PAIP1: variants seen among roughly 807,000 people sequenced by gnomAD.
The protein encoded by PAIP1 is poly(A) binding protein interacting protein 1.
A neutral mutation model predicts 61.3 loss-of-function variants in PAIP1; 16 were observed. The ratio of observed to expected loss-of-function variants is 0.26; its 90% confidence interval spans 0.18 to 0.40. The LOEUF is 0.40. PAIP1 is among the 10% of genes least tolerant of loss of function. PAIP1 has a pLI of 1.00. For synonymous variants in PAIP1, 187 were observed against 226.2 expected (o/e 0.83, Z 1.56); for missense variants, 416 against 600.9 (o/e 0.69, Z 3.22).
chr5:43,538,746 T>C (rs1747258373), intron 5 of PAIP1, among the ~76,000 whole-genome samples, 178 bp downstream of exon 5: 1 of 152,240 alleles, frequency 6.6e-6, no homozygotes, highest in Non-Finnish European at 1.5e-5. Flanking sequence ...GAGTAAATGT[T>C]ATGGACAGAC....
At chr5:43,546,961 T>C in intron 3 of PAIP1, among the ~76,000 whole-genome samples, 1 of 135,784 alleles carries the variant, frequency 7.4e-6, no homozygotes, top group East Asian at 2.2e-4. Context: ...GAGAATCGCT[T>C]GAACCCGGGA....
chr5:43,533,959 G>A (rs114423094), intron 8 of PAIP1, among the ~76,000 whole-genome samples, 167 bp from the exon 9 acceptor site: 2 of 152,172 alleles, frequency 1.3e-5, no homozygotes, highest in African/African-American at 4.8e-5. Flanking sequence ...GAAAGTCTAT[G>A]GTTTTCAGAT....
chr5:43,529,736 A>G (rs1383582439), intron 10 of PAIP1, 50 bp downstream of exon 10: 2 of 963,326 alleles, frequency 2.1e-6, no homozygotes, highest in African/African-American at 1.6e-5. Context: ...ATCTCCACCT[A>G]TAAATTAGAC....
intron 4 of PAIP1, among the ~76,000 whole-genome samples, chr5:43,541,019 T>C (rs1747379247): frequency 1.3e-5 from 2 of 151,880 alleles, no homozygotes; most frequent in South Asian, 4.2e-4. Flanking sequence ...GAAGCTATAA[T>C]TTGTGTTTCT....
At chr5:43,554,853 C>T (rs1247135445) in intron 2 of PAIP1, among the ~76,000 whole-genome samples, 1 of 152,120 alleles carries the variant, frequency 6.6e-6, no homozygotes, top group Non-Finnish European at 1.5e-5. Flanking sequence ...TAAAGGCATA[C>T]AGCCAGCAAG....
chr5:43,531,656 C>CAAGAAAAAAAAAAAAAAAA (rs1746936737), intron 9 of PAIP1, among the ~76,000 whole-genome samples: 1 of 59,868 alleles, frequency 1.7e-5, no homozygotes, highest in Non-Finnish European at 3.4e-5. Flanking sequence ...GACTCTGTCT[C>CAAGAAAAAAAAAAAAAAAA]AAAAAAAAAA....
chr5:43,540,348 C>CT (rs1221089550), intron 4 of PAIP1, among the ~76,000 whole-genome samples: 2 of 151,892 alleles, frequency 1.3e-5, no homozygotes, highest in African/African-American at 4.8e-5. Flanking sequence ...CTGTTGGCTG[C>CT]TTTTCTGTTA....
rs754406394 is a variant in PAIP1, at chr5:43,529,858, T to G, written c.1274A>C (p.Glu425Ala). ...AAAAAAGTCCTCTCTTTCAAGTAAT[T>G]CTTGGTATTTCTCTTGGTAATCTGT... ...ADPDYQEKYQ[E>A]LLEREDFFPD... The change falls in exon 10 of 11, where the codon GAA becomes GCA. Residue 425 changes from glutamate (E) to alanine (A), a missense_variant. Transcript: ENST00000306846. 1 of 1,478,824 alleles carries G rather than the reference T, an allele frequency of 6.8e-7. No individual in the cohort carries two copies. The highest frequency in any genetic ancestry group is 1.1e-5 in the South Asian group (1 of 88,150). The allele number at this position is 1,478,824 out of a possible 1,614,324, so 91.6% of individuals were successfully genotyped here.
intron 1 of PAIP1, chr5:43,556,340 C>T: frequency 8.1e-7 from 1 of 1,235,670 alleles, no homozygotes; most frequent in Non-Finnish European, 1.0e-6. Context: ...CCTCCCGGGA[C>T]CCCGAACTCC....
chr5:43,540,524 A>G (rs529395265), intron 4 of PAIP1, among the ~76,000 whole-genome samples: 2 of 152,346 alleles, frequency 1.3e-5, no homozygotes, highest in South Asian at 2.1e-4. Flanking sequence ...AAAGCAATGT[A>G]TGTTTATTTT....
intron 9 of PAIP1, 72 bp from the exon 10 acceptor site, chr5:43,529,951 G>GT (rs1746872624): frequency 1.3e-6 from 1 of 756,152 alleles, no homozygotes; most frequent in Non-Finnish European, 2.4e-6. Flanking sequence ...ACCCCTAAAT[G>GT]TTTTTTAATA....
At chr5:43,542,719 A>C (rs1439869686) in intron 4 of PAIP1, among the ~76,000 whole-genome samples, 1 of 152,204 alleles carries the variant, frequency 6.6e-6, no homozygotes, top group Admixed American at 6.5e-5. Context: ...AATCTAAATA[A>C]AATTAGATCC....
At chr5:43,528,987 T>G (rs1746821904) in intron 10 of PAIP1, among the ~76,000 whole-genome samples, 1 of 152,134 alleles carries the variant, frequency 6.6e-6, no homozygotes, top group African/African-American at 2.4e-5. Context: ...AGTCCTATAA[T>G]TAACATCTTC....
chr5:43,557,023 C>G lies in PAIP1; in HGVS notation c.-177G>C. ...GTGCTTCTGGCGGAGCGGACGGCAGCCCGAGCACCCGCCGCTCCAGAGCGC... is the reference window on the plus strand; with the variant it reads ...GTGCTTCTGGCGGAGCGGACGGCAGGCCGAGCACCCGCCGCTCCAGAGCGC... On this transcript the variant is annotated 5_prime_UTR_variant, in exon 1 of 11. Transcript: ENST00000306846. 1.8e-6 allele frequency: 2 copies of G among 1,118,920 alleles called. No homozygotes were observed. The highest frequency in any genetic ancestry group is 6.6e-5 in the East Asian group (2 of 30,302). The allele number at this position is 1,118,920 out of a possible 1,614,324, so 69.3% of individuals were successfully genotyped here. A position where few individuals can be genotyped will look rare whatever the true frequency, so the allele number is the denominator to read the frequency against.
intron 4 of PAIP1, among the ~76,000 whole-genome samples, chr5:43,541,015 A>C (rs978104728): frequency 1.3e-5 from 2 of 151,914 alleles, no homozygotes; most frequent in African/African-American, 4.8e-5. Flanking sequence ...TACAGAAGCT[A>C]TAATTTGTGT....
chr5:43,539,061 T>C (rs756512368), intron 4 of PAIP1, 26 bp from the exon 5 acceptor site: 1 of 1,386,164 alleles, frequency 7.2e-7, no homozygotes, highest in Non-Finnish European at 1.0e-6. Context: ...TCTTTTATAA[T>C]CTCACATTGC....
chr5:43,531,676 A>AAG lies in PAIP1; in HGVS notation c.1253-1799_1253-1798dup, dbSNP rs1491401293. Among the ~76,000 whole-genome samples the AAG allele has an allele frequency of 7.8e-4, 112 of 143,038 alleles. 1 individual carries two copies. The highest frequency in any genetic ancestry group is 5.3e-3 in the East Asian group (23 of 4,346). The allele number at this position is 143,038 out of a possible 152,430, so 93.8% of individuals were successfully genotyped here. A position where few individuals can be genotyped will look rare whatever the true frequency, so the allele number is the denominator to read the frequency against. On this transcript the variant is annotated intron_variant, in intron 9 of 10. Coordinates refer to ENST00000306846, the MANE Select transcript of PAIP1 (RefSeq NM_006451.5). ...TGTCTCAAAAAAAAAAAAAAAAAAA[A>AAG]AGAGAAAAAAAGAAAAGTGTGTGGA...
intron 3 of PAIP1, among the ~76,000 whole-genome samples, chr5:43,545,390 T>C (rs1382836878): frequency 4.6e-5 from 7 of 152,228 alleles, no homozygotes; most frequent in African/African-American, 1.7e-4. Flanking sequence ...ACTCCTCTTT[T>C]TGACAGAGTA....
chr5:43,535,290 CTT>C (rs1481913418), intron 7 of PAIP1, among the ~76,000 whole-genome samples: 2 of 152,102 alleles, frequency 1.3e-5, no homozygotes, highest in Non-Finnish European at 2.9e-5. Flanking sequence ...TAATTCATAT[CTT>C]AAGAAAATTA....
Sources: allele counts gnomAD v4.1 joint callset (sites outside exome capture counted in the v4.1 genomes callset), GRCh38; gene constraint gnomAD v4.1.1; transcripts MANE v1.5; gene names NCBI Gene and HGNC (gene_info 2026-07-23, HGNC 2026-07-21).